Variants in HECW2 observed in about 807,000 individuals in gnomAD.
The protein encoded by HECW2 is E3 ubiquitin-protein ligase HECW2.
HECW2 carries 61 observed loss-of-function variants against 175.2 expected under a neutral mutation model. The observed-to-expected ratio is 0.35, with a 90% CI of 0.28 to 0.43. The LOEUF (loss-of-function observed/expected upper bound fraction) is 0.43. Among genes scored for constraint, HECW2 ranks in the 20% least tolerant of loss-of-function variants. HECW2 has a pLI of 1.00. For missense variants in HECW2, 1,524 were observed against 2,000.5 expected, an observed-to-expected ratio of 0.76 and a Z score of 4.54; for synonymous variants, 671 against 731.0, an observed-to-expected ratio of 0.92 and a Z score of 1.32.
chr2:196,521,463 T>C (rs1230834313), intron 1 of HECW2, among the ~76,000 whole-genome samples: 1 of 151,974 alleles, frequency 6.6e-6, no homozygotes, highest in Non-Finnish European at 1.5e-5. Context: ...CATTTTATTT[T>C]ATTTTATTTT....
chr2:196,253,299 G>A (rs1014580810), intron 19 of HECW2, among the ~76,000 whole-genome samples: 27 of 152,164 alleles, frequency 1.8e-4, no homozygotes, highest in Non-Finnish European at 2.6e-4. Flanking sequence ...CTGCTATTCT[G>A]TCAACATCAT....
chr2:196,307,307 GA>G, intron 11 of HECW2, 74 bp from the exon 12 acceptor site: 1 of 1,007,742 alleles, frequency 9.9e-7, no homozygotes, highest in Non-Finnish European at 1.5e-6. Flanking sequence ...CAAGAGTCTA[GA>G]ACTTTTCACT....
At chr2:196,242,384 A>G (rs965076677) in intron 19 of HECW2, 180 bp from the exon 20 acceptor site, 1 of 672,652 alleles carries the variant, frequency 1.5e-6, no homozygotes, top group Admixed American at 3.1e-5. Context: ...GTCTTAAGTG[A>G]CGTCCTCTTT....
rs1160140452 is a variant in HECW2, at chr2:196,323,915, G to GTTTT, written c.741+1064_741+1065insAAAA. Among the ~76,000 whole-genome samples, 27 of 68,822 alleles carry GTTTT rather than the reference G, an allele frequency of 3.9e-4. 4 individuals are homozygous for GTTTT. The highest frequency in any genetic ancestry group is 6.2e-4 in the Admixed American group (3 of 4,840). 45.1% of individuals were successfully genotyped at this position (68,822 alleles called of 152,430 possible). A position where few individuals can be genotyped will look rare whatever the true frequency, so the allele number is the denominator to read the frequency against. On this transcript the variant is annotated intron_variant, in intron 6 of 28. Coordinates refer to ENST00000644978, the MANE Select transcript of HECW2 (RefSeq NM_001348768.2). ...CCCTTAAGAGTTTTTTTTGTTTTTT[G>GTTTT]TTTGTTTTTTTTTTTTTTTTTTACC...
chr2:196,440,814 T>C (rs757354083), intron 1 of HECW2, among the ~76,000 whole-genome samples: 1 of 152,126 alleles, frequency 6.6e-6, no homozygotes, highest in Admixed American at 6.6e-5. Flanking sequence ...TAAAGCTCCT[T>C]AGATAACTCA....
At chr2:196,568,780 C>A (rs919981182) in intron 1 of HECW2, among the ~76,000 whole-genome samples, 1 of 152,156 alleles carries the variant, frequency 6.6e-6, no homozygotes, top group African/African-American at 2.4e-5. Context: ...GAGCACTACG[C>A]CCACTAAACC....
chr2:196,376,323 C>T (rs1694050424), intron 2 of HECW2, among the ~76,000 whole-genome samples: 1 of 152,130 alleles, frequency 6.6e-6, no homozygotes, highest in Non-Finnish European at 1.5e-5. Context: ...AATCCAACAA[C>T]AAAACATAAA....
At chr2:196,547,793 T>C (rs1689474521) in intron 1 of HECW2, among the ~76,000 whole-genome samples, 1 of 152,220 alleles carries the variant, frequency 6.6e-6, no homozygotes, top group Non-Finnish European at 1.5e-5. Flanking sequence ...GAGAAATGGC[T>C]AGATTTTCCC....
chr2:196,569,004 G>C (rs114396538), intron 1 of HECW2, among the ~76,000 whole-genome samples: 1,911 of 152,258 alleles, frequency 0.013, 40 homozygotes, highest in African/African-American at 0.044. Flanking sequence ...TTTCAGTGCA[G>C]TATTCACTAA....
chr2:196,491,187 A>G (rs1306832605), intron 1 of HECW2, among the ~76,000 whole-genome samples: 1 of 152,002 alleles, frequency 6.6e-6, no homozygotes. Flanking sequence ...CTCCTACTAT[A>G]CTGAACAAAC....
chr2:196,433,649 C>T (rs1695784485), intron 1 of HECW2, among the ~76,000 whole-genome samples, 191 bp from the exon 2 acceptor site: 1 of 152,148 alleles, frequency 6.6e-6, no homozygotes, highest in African/African-American at 2.4e-5. Context: ...AGTCAAGTCA[C>T]ATGATGGCAA....
chr2:196,246,757 A>T (rs1688661780), intron 19 of HECW2, among the ~76,000 whole-genome samples: 2 of 152,100 alleles, frequency 1.3e-5, no homozygotes, highest in Admixed American at 1.3e-4. Flanking sequence ...CTCCTATATA[A>T]TTTGAGATGC....
intron 2 of HECW2, among the ~76,000 whole-genome samples, chr2:196,402,200 CAAAA>C (rs55851966): frequency 1.0e-4 from 7 of 70,348 alleles, no homozygotes; most frequent in African/African-American, 3.7e-4. Flanking sequence ...GACTCTGTCT[CAAAA>C]AAAAAAAAAA....
chr2:196,329,677 G>A, intron 4 of HECW2, 27 bp from the exon 5 acceptor site: 4 of 1,585,156 alleles, frequency 2.5e-6, no homozygotes, highest in Non-Finnish European at 3.5e-6. Flanking sequence ...TGCATCTGAA[G>A]TTTCAGAAGC....
intron 2 of HECW2, among the ~76,000 whole-genome samples, chr2:196,426,966 G>A (rs1045007756): frequency 6.6e-5 from 10 of 152,102 alleles, no homozygotes. Context: ...AAGACTGACA[G>A]TCAAAATACA....
chr2:196,431,549 A>G (rs547150328), intron 2 of HECW2, among the ~76,000 whole-genome samples: 28 of 152,360 alleles, frequency 1.8e-4, no homozygotes, highest in Admixed American at 7.8e-4. Flanking sequence ...AGATTATAAA[A>G]TAAAAGCTAA....
intron 2 of HECW2, among the ~76,000 whole-genome samples, chr2:196,365,528 G>T (rs945423671): frequency 1.3e-5 from 2 of 152,170 alleles, no homozygotes; most frequent in Admixed American, 1.3e-4. Flanking sequence ...GCAGCCAGAG[G>T]AATGCTTGTC....
intron 2 of HECW2, among the ~76,000 whole-genome samples, chr2:196,383,238 G>A (rs1376851447): frequency 6.6e-6 from 1 of 152,202 alleles, no homozygotes; most frequent in African/African-American, 2.4e-5. Context: ...TATGAAGGAG[G>A]ATGAAGAATG....
intron 1 of HECW2, among the ~76,000 whole-genome samples, chr2:196,451,935 T>G (rs938855588): frequency 1.3e-5 from 2 of 152,206 alleles, no homozygotes; most frequent in Non-Finnish European, 2.9e-5. Context: ...TATTTCTTAT[T>G]TGGAGAACTT....
Sources: gnomAD v4.1 joint callset for allele counts (sites outside exome capture counted in the v4.1 genomes callset) on GRCh38, gnomAD v4.1.1 for gene constraint, MANE v1.5 for transcripts, NCBI Gene and HGNC (gene_info 2026-07-23, HGNC 2026-07-21) for gene names.